Variants in INPP4A observed in about 807,000 individuals in gnomAD.
INPP4A encodes the protein inositol polyphosphate-4-phosphatase, type I, 107kD.
Under a neutral mutation model 119.8 loss-of-function variants are expected in INPP4A, and 33 were observed. The ratio of observed to expected loss-of-function variants is 0.28; its 90% CI spans 0.21 to 0.37. The LOEUF (loss-of-function observed/expected upper bound fraction) is 0.37, where lower values mean the gene tolerates loss of function less well. Among genes scored for constraint, INPP4A ranks in the 10% least tolerant of loss-of-function variants. INPP4A has a pLI of 1.00. For synonymous variants in INPP4A, 496 were observed against 500.7 expected, an observed-to-expected ratio of 0.99 and a Z score of 0.12; for missense variants, 956 against 1,289.9, an observed-to-expected ratio of 0.74 and a Z score of 3.97.
intron 17 of INPP4A, among the ~76,000 whole-genome samples, chr2:98,560,180 G>C (rs1030893797): frequency 6.6e-6 from 1 of 152,152 alleles, no homozygotes; most frequent in African/African-American, 2.4e-5. Flanking sequence ...GGTATGGCTT[G>C]TGGTTTTGAG....
At chr2:98,535,704 C>T in intron 5 of INPP4A, 25 bp from the exon 6 acceptor site, 1 of 1,088,414 alleles carries the variant, frequency 9.2e-7, no homozygotes, top group South Asian at 1.4e-5. Flanking sequence ...ACCCTGTGTT[C>T]TGATTATTTC....
chr2:98,591,370 C>A lies in INPP4A; in HGVS notation c.*3762C>A, dbSNP rs1446315411. 1 of 152,790 alleles carries A rather than the reference C, an allele frequency of 6.5e-6. No homozygotes were observed. Among genetic ancestry groups the A allele is most frequent in the African/African-American group, 2.4e-5 (1 of 41,426 alleles). 9.5% of individuals were successfully genotyped at this position (152,790 alleles called of 1,614,324 possible). ...ATTATTTTTTCAGCATTTACCTGTT[C>A]TTATTTCTAGGATGTTTATGGTTTC... On this transcript the variant is annotated 3_prime_UTR_variant, in exon 25 of 25. Transcript: ENST00000409851.
At chr2:98,477,027 G>A (rs1387755118) in intron 1 of INPP4A, among the ~76,000 whole-genome samples, 2 of 152,222 alleles carry the variant, frequency 1.3e-5, no homozygotes, top group African/African-American at 2.4e-5. Context: ...AGTGGTAGTA[G>A]TAATAGTGGC....
In INPP4A at chr2:98,519,891, A is replaced by G. The variant is rs79992768; in HGVS notation, c.-103-55A>G. ...GGTCACGTTCTTTCTAAATGAGAGC[A>G]TGATTTCTCTCCATCACCGTCCCCA... On this transcript the variant is annotated intron_variant, in intron 2 of 24. Coordinates refer to ENST00000409851, the MANE Select transcript of INPP4A (RefSeq NM_001134225.2). 5.7e-3 allele frequency: 3,625 copies of G among 640,866 alleles called. 101 individuals are homozygous for G. The African/African-American group carries it at 0.059, about 10-fold the overall frequency. 39.7% of individuals were successfully genotyped at this position (640,866 alleles called of 1,614,324 possible).
intron 4 of INPP4A, among the ~76,000 whole-genome samples, chr2:98,523,122 A>C (rs1687530825): frequency 6.6e-6 from 1 of 152,242 alleles, no homozygotes; most frequent in South Asian, 2.1e-4. Context: ...CTTAATGAGT[A>C]ATATGTGCTT....
intron 24 of INPP4A, among the ~76,000 whole-genome samples, chr2:98,586,226 C>G (rs780751471): frequency 6.6e-6 from 1 of 152,064 alleles, no homozygotes; most frequent in African/African-American, 2.4e-5. Flanking sequence ...TCTAAACTAT[C>G]GGAGCTTAGC....
At chr2:98,582,537 CCAGA>C (rs1196904934) in intron 24 of INPP4A, among the ~76,000 whole-genome samples, 2 of 144,752 alleles carry the variant, frequency 1.4e-5, no homozygotes, top group African/African-American at 5.2e-5. Context: ...ACTGCATACG[CCAGA>C]CACAGAAAGA....
intron 1 of INPP4A, among the ~76,000 whole-genome samples, chr2:98,449,651 C>CTAT (rs1694885547): frequency 2.6e-5 from 4 of 152,212 alleles, no homozygotes; most frequent in Admixed American, 2.6e-4. Context: ...GATGTAGGCA[C>CTAT]TATGTATTCT....
chr2:98,586,315 G>A (rs769090548), intron 24 of INPP4A, among the ~76,000 whole-genome samples: 1 of 151,718 alleles, frequency 6.6e-6, no homozygotes, highest in South Asian at 2.1e-4. Context: ...ACTTTAAAAG[G>A]CTTGAGCAAT....
At chr2:98,516,115 A>G (rs1037933515) in intron 1 of INPP4A, among the ~76,000 whole-genome samples, 1 of 152,136 alleles carries the variant, frequency 6.6e-6, no homozygotes, top group African/African-American at 2.4e-5. Context: ...TGGTCTTCAA[A>G]TGGAGCTGGG....
At chr2:98,503,694 A>G (rs1231988079) in intron 1 of INPP4A, among the ~76,000 whole-genome samples, 1 of 152,236 alleles carries the variant, frequency 6.6e-6, no homozygotes, top group African/African-American at 2.4e-5. Context: ...AGATGAATGG[A>G]CAGTTCCAGA....
At chr2:98,564,154 G>A (rs887101439) in intron 18 of INPP4A, among the ~76,000 whole-genome samples, 2 of 152,098 alleles carry the variant, frequency 1.3e-5, no homozygotes, top group Admixed American at 1.3e-4. Flanking sequence ...TTTGGGGTTG[G>A]GCTGGTTCTC....
intron 4 of INPP4A, among the ~76,000 whole-genome samples, chr2:98,529,978 G>C (rs963402541): frequency 6.6e-6 from 1 of 152,132 alleles, no homozygotes; most frequent in Non-Finnish European, 1.5e-5. Flanking sequence ...GTATTTGATT[G>C]ATAGGAGACC....
intron 1 of INPP4A, among the ~76,000 whole-genome samples, chr2:98,472,492 A>G (rs1676253480): frequency 6.6e-6 from 1 of 152,358 alleles, no homozygotes; most frequent in Admixed American, 6.5e-5. Flanking sequence ...CAAGTGTCCA[A>G]GGAACCAGGC....
In INPP4A at chr2:98,471,609, C is replaced by T. The variant is rs149432619; in HGVS notation, c.-166+26524C>T. On this transcript the variant is annotated intron_variant, in intron 1 of 24. Transcript: ENST00000409851. The stretch of plus-strand genomic sequence containing the variant: ...TTGAGCGCTCAGGAACCAAGGTCAA[C>T]GCTCAGTGTGTGTTTGCCAAGTAGA... Among the ~76,000 whole-genome samples the T allele has an allele frequency of 2.4e-3, 362 of 152,312 alleles. 4 individuals are homozygous for T. Among genetic ancestry groups the T allele is most frequent in the East Asian group, 2.1e-3 (11 of 5,188 alleles).
intron 14 of INPP4A, 94 bp downstream of exon 14, chr2:98,553,063 A>C (rs115446065): frequency 6.2e-6 from 6 of 967,448 alleles, no homozygotes; most frequent in Non-Finnish European, 9.2e-6. Flanking sequence ...ATGGTCCACA[A>C]AGAGCGTGAC....
chr2:98,484,779 T>A (rs571763111), intron 1 of INPP4A, among the ~76,000 whole-genome samples: 1 of 152,286 alleles, frequency 6.6e-6, no homozygotes, highest in South Asian at 2.1e-4. Context: ...TTACTTAGAA[T>A]CTGACTTTTT....
At chr2:98,567,535 G>A (rs562044780) in intron 21 of INPP4A, among the ~76,000 whole-genome samples, 1 of 152,186 alleles carries the variant, frequency 6.6e-6, no homozygotes, top group Non-Finnish European at 1.5e-5. Flanking sequence ...AAATGATGGT[G>A]CCTGCATCCA....
At chr2:98,514,523 C>T (rs910565739) in intron 1 of INPP4A, among the ~76,000 whole-genome samples, 1 of 152,038 alleles carries the variant, frequency 6.6e-6, no homozygotes, top group East Asian at 1.9e-4. Flanking sequence ...AGTCTTCCAC[C>T]CTCCCACCTC....
Sources: gnomAD v4.1 joint callset for allele counts (sites outside exome capture counted in the v4.1 genomes callset) on GRCh38, gnomAD v4.1.1 for gene constraint, MANE v1.5 for transcripts, NCBI Gene and HGNC (gene_info 2026-07-23, HGNC 2026-07-21) for gene names.